ZUP1: variants seen among roughly 807,000 people sequenced by gnomAD.
The protein encoded by ZUP1 is zinc finger containing ubiquitin peptidase 1.
In ZUP1, 55 loss-of-function variants were observed where a neutral mutation model predicts 68.1. That is an observed-to-expected ratio of 0.81 (90% CI 0.65 to 1.01). ZUP1 has a LOEUF of 1.01. Among genes scored for constraint, ZUP1 ranks in the 50% least tolerant of loss-of-function variants. The pLI is 0.00. For missense variants in ZUP1, 684 were observed against 674.9 expected (o/e 1.01, Z -0.15); for synonymous variants, 223 against 221.5 (o/e 1.01, Z -0.06).
intron 9 of ZUP1, among the ~76,000 whole-genome samples, chr6:116,642,531 T>C (rs1776139525): frequency 1.3e-5 from 2 of 152,268 alleles, no homozygotes; most frequent in Non-Finnish European, 2.9e-5. Context: ...GCTGGTTCAA[T>C]ATACGCAAAT....
Position 116,661,556 on chromosome 6 carries a change from G to A in ZUP1, c.560-710C>T, listed in dbSNP as rs114460163. On this transcript the variant is annotated intron_variant, in intron 2 of 9. Transcript: ENST00000368576. ...GGGTAATACTGTCTACACAGGAGCA[G>A]GAGATTAAAGAGCTGCATCCATCAC... is the stretch of plus-strand genomic sequence containing the variant. Among the ~76,000 whole-genome samples, 675 of 152,298 alleles carry A rather than the reference G, an allele frequency of 4.4e-3. 5 individuals carry two copies. Among genetic ancestry groups the A allele is most frequent in the African/African-American group, 0.015 (636 of 41,572 alleles).
intron 4 of ZUP1, among the ~76,000 whole-genome samples, chr6:116,657,139 T>C (rs1776695970): frequency 6.6e-6 from 1 of 151,986 alleles, no homozygotes; most frequent in Non-Finnish European, 1.5e-5. Context: ...CTACCTCAGG[T>C]ATTGGGAGAT....
intron 9 of ZUP1, among the ~76,000 whole-genome samples, chr6:116,640,619 T>G (rs914966588): frequency 1.3e-5 from 2 of 151,722 alleles, no homozygotes; most frequent in African/African-American, 4.8e-5. Context: ...AATAAAATAC[T>G]TTACAGACAA....
At chr6:116,636,396 C>T (rs754572983) in intron 9 of ZUP1, among the ~76,000 whole-genome samples, 7 of 151,990 alleles carry the variant, frequency 4.6e-5, no homozygotes, top group Non-Finnish European at 1.0e-4. Context: ...GGAAAATTTA[C>T]GAATATAGTG....
At chr6:116,653,676 C>G (rs923272588) in intron 5 of ZUP1, among the ~76,000 whole-genome samples, 2 of 151,784 alleles carry the variant, frequency 1.3e-5, no homozygotes, top group Non-Finnish European at 2.9e-5. Flanking sequence ...CCTAGGAATT[C>G]AGAGAAAGAA....
Position 116,645,698 on chromosome 6 carries a change from ATATT to A in ZUP1, c.1689+12_1689+15del. 6.4e-7 allele frequency: 1 copy of A among 1,550,942 alleles called. No individual in the cohort carries two copies. The highest frequency in any genetic ancestry group is 1.4e-5 in the African/African-American group (1 of 72,550). ...CATCTCATTCAAACTTCACATATAA[ATATT>A]TAGATACTTACAAGTTTCTCCTCTA... On this transcript the variant is annotated intron_variant, in intron 9 of 9. Transcript: ENST00000368576.
intron 5 of ZUP1, among the ~76,000 whole-genome samples, chr6:116,654,428 G>T (rs1003939725): frequency 6.6e-6 from 1 of 151,824 alleles, no homozygotes. Context: ...ACATACACAT[G>T]CAAATAAATT....
intron 9 of ZUP1, among the ~76,000 whole-genome samples, chr6:116,636,158 AAGTC>A (rs1252482000): frequency 6.6e-6 from 1 of 152,168 alleles, no homozygotes; most frequent in Non-Finnish European, 1.5e-5. Context: ...TGCTGCCTCA[AAGTC>A]AGAGAGAGAT....
intron 9 of ZUP1, among the ~76,000 whole-genome samples, chr6:116,643,365 A>G (rs1725372633): frequency 6.6e-6 from 1 of 152,158 alleles, no homozygotes; most frequent in African/African-American, 2.4e-5. Flanking sequence ...ACCAAAAAAG[A>G]GCCCGCATCG....
chr6:116,658,880 G>A lies in ZUP1; in HGVS notation c.715C>T (p.Gln239Ter). ...QCSGDLQLAHQLQQEEDRKRR... is the reference protein window; with the variant it reads ...QCSGDLQLAH ...TTTCTGTCTTCTTCTTGCTGAAGCT[G>A]GTGAGCCAATTGTAGATCACCAGAA... The change falls in exon 4 of 10, where the codon CAG becomes TAG. Residue 239 changes from glutamine (Q) to a stop codon, truncating the protein, a stop_gained. Coordinates refer to ENST00000368576, the MANE Select transcript of ZUP1 (RefSeq NM_145062.3). LOFTEE classifies it high-confidence loss of function. The A allele has an allele frequency of 1.9e-6, 3 of 1,611,966 alleles. No individual in the cohort carries two copies. The highest frequency in any genetic ancestry group is 1.3e-5 in the African/African-American group (1 of 74,950).
At chr6:116,648,783 G>A (rs6925315) in intron 7 of ZUP1, among the ~76,000 whole-genome samples, 51,532 of 151,136 alleles carry the variant, frequency 0.34, 9,561 homozygotes, top group African/African-American at 0.49. Flanking sequence ...ACAACATGGC[G>A]AAACCCCATC....
chr6:116,652,627 A>G (rs1296327015), intron 5 of ZUP1, among the ~76,000 whole-genome samples: 1 of 152,146 alleles, frequency 6.6e-6, no homozygotes, highest in East Asian at 1.9e-4. Flanking sequence ...AAGCATGAGA[A>G]TACACAAATG....
intron 4 of ZUP1, among the ~76,000 whole-genome samples, 159 bp from the exon 5 acceptor site, chr6:116,657,011 A>T (rs548444792): frequency 1.6e-3 from 234 of 150,532 alleles, no homozygotes; most frequent in Non-Finnish European, 2.5e-3. Flanking sequence ...AATAACACAC[A>T]CACACACACA....
chr6:116,656,070 TTTTTTTG>T (rs1174477618), intron 5 of ZUP1, among the ~76,000 whole-genome samples: 1 of 128,798 alleles, frequency 7.8e-6, no homozygotes, highest in Non-Finnish European at 1.6e-5. Context: ...CCTTTTCACT[TTTTTTTG>T]TTTTTTTTTT....
intron 8 of ZUP1, among the ~76,000 whole-genome samples, chr6:116,646,760 G>A (rs1776322017): frequency 6.6e-6 from 1 of 152,126 alleles, no homozygotes; most frequent in Non-Finnish European, 1.5e-5. Flanking sequence ...TGTTTTTGTA[G>A]AGACAGGGTC....
At chr6:116,658,417 A>G (rs1776731808) in intron 4 of ZUP1, among the ~76,000 whole-genome samples, 1 of 152,224 alleles carries the variant, frequency 6.6e-6, no homozygotes, top group Admixed American at 6.5e-5. Flanking sequence ...GCATCTATAC[A>G]AACACTTAAA....
chr6:116,660,925 G>T (rs1776818315), intron 2 of ZUP1, 79 bp from the exon 3 acceptor site: 6 of 779,186 alleles, frequency 7.7e-6, no homozygotes, highest in African/African-American at 1.9e-5. Flanking sequence ...TTTGAGACAG[G>T]GTCTCACTCT....
Position 116,660,841 on chromosome 6 carries a change from C to A in ZUP1, c.565G>T (p.Asp189Tyr), listed in dbSNP as rs1219498904. The change falls in exon 3 of 10, where the codon GAT (aspartate) becomes TAT (tyrosine). Residue 189 changes from aspartate (D) to tyrosine (Y), a missense_variant. Physicochemically the swap from Asp to Tyr is radical, Grantham distance 160 (BLOSUM62 -3). Coordinates refer to ENST00000368576, the MANE Select transcript of ZUP1 (RefSeq NM_145062.3). ...NLLDIPLEDC[D>Y]QPLYDCPMCG... ...ATAGGACAATCATAGAGTGGTTGAT[C>A]ACAGTCTGTATCAGAGATATAATTA... is the stretch of plus-strand genomic sequence containing the variant. The A allele has an allele frequency of 2.0e-6, 3 of 1,517,130 alleles. No homozygotes were observed. The highest frequency in any genetic ancestry group is 1.2e-5 in the South Asian group (1 of 82,934). The allele number at this position is 1,517,130 out of a possible 1,614,324, so 94.0% of individuals were successfully genotyped here.
At chr6:116,638,217 T>A (rs1276871428) in intron 9 of ZUP1, among the ~76,000 whole-genome samples, 1 of 152,202 alleles carries the variant, frequency 6.6e-6, no homozygotes, top group Admixed American at 6.5e-5. Flanking sequence ...CAGTCACTTT[T>A]CTCTTTAGAG....
Sources: allele counts gnomAD v4.1 joint callset (sites outside exome capture counted in the v4.1 genomes callset), GRCh38; gene constraint gnomAD v4.1.1; transcripts MANE v1.5; gene names NCBI Gene and HGNC (gene_info 2026-07-23, HGNC 2026-07-21).